NAXD: variants seen among roughly 807,000 people sequenced by gnomAD.
NAXD encodes the protein NAD(P)HX dehydratase.
NAXD carries 22 observed loss-of-function variants against 35.8 expected under a neutral mutation model. That is an observed-to-expected ratio of 0.62 (90% confidence interval 0.44 to 0.88). NAXD has a LOEUF of 0.88. NAXD is among the 40% of genes least tolerant of loss of function. The probability of loss-of-function intolerance (pLI) is 0.00; values close to 1 mark genes in which losing one functional copy is unlikely to be tolerated. For missense variants in NAXD, 428 were observed against 437.7 expected (o/e 0.98, Z 0.20); for synonymous variants, 189 against 177.6 (o/e 1.06, Z -0.51).
chr13:110,627,425 C>T lies in NAXD; in HGVS notation c.333-14C>T. On this transcript the variant is annotated splice_polypyrimidine_tract_variant and intron_variant, in intron 4 of 9. Transcript: ENST00000680254. ...ATTGTGGGTAACCATCCTGGCCTTC[C>T]TTTCCTTCTTTAGTGACAGCCCCAA... The T allele has an allele frequency of 6.3e-7, 1 of 1,595,118 alleles. No individual in the cohort carries two copies. The highest frequency in any genetic ancestry group is 8.6e-7 in the Non-Finnish European group (1 of 1,163,710).
At chr13:110,636,134 C>T (rs1174373121) in intron 8 of NAXD, among the ~76,000 whole-genome samples, 1 of 152,246 alleles carries the variant, frequency 6.6e-6, no homozygotes, top group East Asian at 1.9e-4. Context: ...GAGAGCAGGG[C>T]AGAGGCCGGG....
At position 110,628,803 on chromosome 13, in the gene NAXD, C is replaced by T. The variant is rs1192474957; in HGVS notation, c.441+1256C>T. On this transcript the variant is annotated intron_variant, in intron 5 of 9. Coordinates refer to ENST00000680254, the MANE Select transcript of NAXD (RefSeq NM_001242882.2). The surrounding 1 kb of genome is among the most constrained non-coding windows in gnomAD (Gnocchi z 4.1). ...GCTGCGGGTCTGCGGTGCACGGCTG[C>T]TGCTTCCTGTCCAGCTCTGCATCCT... Among the ~76,000 whole-genome samples, 1 of 152,206 alleles carries T rather than the reference C, an allele frequency of 6.6e-6. No homozygotes were observed. The highest frequency in any genetic ancestry group is 2.4e-5 in the African/African-American group (1 of 41,446).
intron 5 of NAXD, among the ~76,000 whole-genome samples, chr13:110,629,459 G>A (rs898735318): frequency 2.0e-5 from 3 of 152,154 alleles, no homozygotes; most frequent in African/African-American, 4.8e-5. Context: ...GTTAGCATCT[G>A]CTCCCTGTTC....
intron 1 of NAXD, among the ~76,000 whole-genome samples, chr13:110,621,735 T>C (rs2139630883): frequency 6.7e-6 from 1 of 148,570 alleles, no homozygotes; most frequent in African/African-American, 2.5e-5. Context: ...TATGTGTTAA[T>C]TACATGTGTT....
At chr13:110,615,952 G>A in intron 1 of NAXD, 1 of 462,784 alleles carries the variant, frequency 2.2e-6, no homozygotes. Flanking sequence ...GCCTCCGTGC[G>A]GGGTGACAGA....
At chr13:110,615,808 G>A in intron 1 of NAXD, 161 bp downstream of exon 1, 4 of 1,287,362 alleles carry the variant, frequency 3.1e-6, no homozygotes, top group Non-Finnish European at 3.9e-6. Flanking sequence ...GCTGGCTCGC[G>A]GGGGGGAAGC....
Position 110,638,841 on chromosome 13 carries a change from CAG to C in NAXD, c.*316_*317del, listed in dbSNP as rs1887049455. On this transcript the variant is annotated 3_prime_UTR_variant, in exon 10 of 10. Transcript: ENST00000680254. This position sits in a 1 kb window ranked among gnomAD's most constrained non-coding sequence, Gnocchi z 5.4. Reference sequence around the variant, plus strand: ...AATGAAGAATTCTTTAGCAGCTCAACAGAGTTTCTCGGCCTGCTCCCAGATCG... The same window carrying C: ...AATGAAGAATTCTTTAGCAGCTCAACAGTTTCTCGGCCTGCTCCCAGATCG... 4 of 481,738 alleles carry C rather than the reference CAG, an allele frequency of 8.3e-6. No homozygotes were observed. Among genetic ancestry groups the C allele is most frequent in the Non-Finnish European group, 7.8e-6 (2 of 256,262 alleles). The allele number at this position is 481,738 out of a possible 1,614,324, so 29.8% of individuals were successfully genotyped here.
chr13:110,637,509 A>G (rs945541495), intron 9 of NAXD, among the ~76,000 whole-genome samples: 4 of 152,194 alleles, frequency 2.6e-5, no homozygotes, highest in African/African-American at 9.7e-5. Context: ...CCGAGGTGCA[A>G]CCAAGGCCCA....
In NAXD at chr13:110,638,943, C is replaced by A; in HGVS notation, c.*415C>A. 1.4e-5 allele frequency: 5 copies of A among 358,804 alleles called. No homozygotes were observed. Among genetic ancestry groups the A allele is most frequent in the South Asian group, 8.6e-5 (4 of 46,636 alleles). The allele number at this position is 358,804 out of a possible 1,614,324, so 22.2% of individuals were successfully genotyped here. On this transcript the variant is annotated 3_prime_UTR_variant, in exon 10 of 10. Transcript: ENST00000680254. The surrounding 1 kb of genome is among the most constrained non-coding windows in gnomAD (Gnocchi z 5.4). ...CTGCTTCCCTTCCCTAGTCTTTCCT[C>A]CGGCAGGGAGCTGGGCAGGGGTCCC...
At chr13:110,623,388 G>A (rs1026490478) in intron 2 of NAXD, among the ~76,000 whole-genome samples, 1 of 152,168 alleles carries the variant, frequency 6.6e-6, no homozygotes, top group South Asian at 2.1e-4. Context: ...TCCTTTCTGT[G>A]CCTGAAGTGC....
At chr13:110,635,714 C>T in intron 8 of NAXD, 126 bp downstream of exon 8, 1 of 1,096,356 alleles carries the variant, frequency 9.1e-7, no homozygotes, top group Non-Finnish European at 1.3e-6. Context: ...ACAGGGATTC[C>T]TGATGAGCTC....
At chr13:110,633,195 C>T (rs565383945) in intron 5 of NAXD, among the ~76,000 whole-genome samples, 67 of 152,290 alleles carry the variant, frequency 4.4e-4, no homozygotes, top group Admixed American at 3.6e-3. Flanking sequence ...AGCTAAGGCC[C>T]GGTGAGAAAT....
rs201360937 is a variant in NAXD at position 110,615,956 on chromosome 13, T to TGACAGAGG, written c.46+311_46+318dup. The TGACAGAGG allele has an allele frequency of 2.2e-3, 990 of 447,318 alleles. 16 individuals are homozygous for TGACAGAGG. In the East Asian group the frequency reaches 0.035, roughly 16 times the overall value. The allele number at this position is 447,318 out of a possible 1,614,324, so 27.7% of individuals were successfully genotyped here. On this transcript the variant is annotated intron_variant, in intron 1 of 9. Transcript: ENST00000680254. ...GGGTGATGGGAGCCTCCGTGCGGGG[T>TGACAGAGG]GACAGAGGGGCAGAGGGTGGCGCCG...
intron 1 of NAXD, 57 bp from the exon 2 acceptor site, chr13:110,622,159 T>C: frequency 6.9e-7 from 1 of 1,455,538 alleles, no homozygotes; most frequent in Non-Finnish European, 9.3e-7. Flanking sequence ...TGGGCTATTA[T>C]GTGTACTAAC....
In NAXD at chr13:110,634,689, C is replaced by T. The variant is rs145262627; in HGVS notation, c.510C>T (p.Val170=). The change falls in exon 7 of 10, where the codon GTC becomes GTT. Residue 170 remains valine (V), a synonymous_variant. Transcript: ENST00000680254. The part of the protein sequence containing the change: ...VVIDADGLWL[V]AQQPALIHGY... ...CTGTGCAGGATGGCCTGTGGCTGGT[C>T]GCTCAGCAGCCGGCCCTCATCCATG... 509 of 1,613,952 alleles carry T rather than the reference C, an allele frequency of 3.2e-4. No homozygotes were observed. Among genetic ancestry groups the T allele is most frequent in the Middle Eastern group, 3.3e-4 (2 of 6,084 alleles).
chr13:110,630,027 TTTTTG>T (rs975658891), intron 5 of NAXD, among the ~76,000 whole-genome samples: 17 of 152,012 alleles, frequency 1.1e-4, no homozygotes, highest in Admixed American at 3.9e-4. Context: ...TTTTTTTTTG[TTTTTG>T]TTTTGTTTTG....
intron 9 of NAXD, among the ~76,000 whole-genome samples, 173 bp downstream of exon 9, chr13:110,637,422 T>TTGGGCC (rs1886973463): frequency 6.6e-6 from 1 of 152,124 alleles, no homozygotes; most frequent in African/African-American, 2.4e-5. Context: ...CACCCCACAC[T>TTGGGCC]TGGGCCTGGG....
chr13:110,627,185 T>C (rs1886514922), intron 4 of NAXD, among the ~76,000 whole-genome samples: 1 of 152,190 alleles, frequency 6.6e-6, no homozygotes, highest in African/African-American at 2.4e-5. Context: ...GTTTAATGAA[T>C]AGTATTAACC....
At chr13:110,615,503 G>A (rs1412410938), upstream of NAXD, 11 of 1,198,444 alleles carry the variant, frequency 9.2e-6, no homozygotes, top group East Asian at 3.2e-5. Flanking sequence ...TCCCACTGCC[G>A]ACAGCCGCGC....
Sources: allele counts gnomAD v4.1 joint callset (sites outside exome capture counted in the v4.1 genomes callset), GRCh38; gene constraint gnomAD v4.1.1; non-coding constraint Gnocchi (gnomAD v3.1); transcripts MANE v1.5; gene names NCBI Gene and HGNC (gene_info 2026-07-23, HGNC 2026-07-21).